Variants in SLC14A2 observed in about 807,000 individuals in gnomAD.
The protein encoded by SLC14A2 is urea transporter 2.
Under a neutral mutation model 104.6 loss-of-function variants are expected in SLC14A2, and 91 were observed. The ratio of observed to expected loss-of-function variants is 0.87; its 90% CI spans 0.73 to 1.04. The LOEUF (loss-of-function observed/expected upper bound fraction) is 1.04, where lower values mean the gene tolerates loss of function less well. Ranked by LOEUF, SLC14A2 falls within the 50% of genes least tolerant of loss-of-function variation. The pLI is 0.00. For missense variants in SLC14A2, 1,189 were observed against 1,156.0 expected, an observed-to-expected ratio of 1.03 and a Z score of -0.41; for synonymous variants, 476 against 466.4, an observed-to-expected ratio of 1.02 and a Z score of -0.27.
At chr18:45,577,907 T>A (rs2144352645) in intron 2 of SLC14A2, among the ~76,000 whole-genome samples, 1 of 152,262 alleles carries the variant, frequency 6.6e-6, no homozygotes, top group East Asian at 1.9e-4. Context: ...AAATAATAAA[T>A]TATTCTTTGG....
At position 45,445,473 on chromosome 18, in the gene SLC14A2, A is replaced by G. The variant is rs557458857; in HGVS notation, c.-124-37760A>G. Among the ~76,000 whole-genome samples the G allele has an allele frequency of 2.0e-4, 31 of 152,268 alleles. 1 individual carries two copies. The South Asian group carries it at 6.4e-3, about 32-fold the overall frequency. ...TGGAGGATCCAACTGTTTATTCTTTAGTGATAAAAACAAAGATGCCTACAT... is the reference window on the plus strand; with the variant it reads ...TGGAGGATCCAACTGTTTATTCTTTGGTGATAAAAACAAAGATGCCTACAT... On this transcript the variant is annotated intron_variant, in intron 1 of 20. Transcript: ENST00000586448.
intron 1 of SLC14A2, among the ~76,000 whole-genome samples, chr18:45,466,177 A>T (rs755784961): frequency 6.6e-6 from 1 of 152,030 alleles, no homozygotes; most frequent in African/African-American, 2.4e-5. Flanking sequence ...GTTTTGCACT[A>T]ATTTACACAG....
At chr18:45,285,409 T>C (rs889025027) in intron 1 of SLC14A2, among the ~76,000 whole-genome samples, 2 of 152,322 alleles carry the variant, frequency 1.3e-5, no homozygotes, top group Admixed American at 6.5e-5. Flanking sequence ...CACTGCACTA[T>C]ACTTGGAACA....
At chr18:45,277,294 T>C (rs182257360) in intron 1 of SLC14A2, among the ~76,000 whole-genome samples, 4 of 152,322 alleles carry the variant, frequency 2.6e-5, no homozygotes, top group Admixed American at 2.6e-4. Context: ...CATTAAAATA[T>C]AAAAAGAAAA....
At chr18:45,536,759 C>T (rs866812792) in intron 2 of SLC14A2, among the ~76,000 whole-genome samples, 4 of 152,108 alleles carry the variant, frequency 2.6e-5, no homozygotes, top group African/African-American at 9.7e-5. Flanking sequence ...CAGCAAAGAC[C>T]CAAGGAGGTA....
intron 2 of SLC14A2, among the ~76,000 whole-genome samples, chr18:45,590,769 T>G (rs541614232): frequency 4.5e-4 from 69 of 152,366 alleles, no homozygotes; most frequent in African/African-American, 1.6e-3. Flanking sequence ...TAGAAAATTA[T>G]CAGAGTAAAA....
At chr18:45,263,030 A>G (rs1363244748) in intron 1 of SLC14A2, among the ~76,000 whole-genome samples, 1 of 152,200 alleles carries the variant, frequency 6.6e-6, no homozygotes. Context: ...TTATTCACAA[A>G]TTCAAGATTT....
In SLC14A2 at chr18:45,259,162, A is replaced by T. The variant is rs187519573; in HGVS notation, c.-125+45971A>T. ...GAGGTTTGGAAAACTTCAGTGGTAC[A>T]CTCTTATCTCCTCTCTCCTGCTCAG... On this transcript the variant is annotated intron_variant, in intron 1 of 20. Coordinates refer to the SLC14A2 transcript ENST00000586448. 4.3e-4 allele frequency among the ~76,000 whole-genome samples: 65 copies of T among 152,166 alleles called. 1 individual carries two copies. Among genetic ancestry groups the T allele is most frequent in the African/African-American group, 1.3e-3 (53 of 41,498 alleles).
upstream of SLC14A2, among the ~76,000 whole-genome samples, chr18:45,611,517 C>A (rs773243506): frequency 6.6e-6 from 1 of 152,224 alleles, no homozygotes; most frequent in Admixed American, 6.5e-5. Flanking sequence ...AAGGAAGACC[C>A]AGCTTCACAC....
At chr18:45,508,060 A>C (rs549041248) in intron 2 of SLC14A2, among the ~76,000 whole-genome samples, 1 of 152,354 alleles carries the variant, frequency 6.6e-6, no homozygotes, top group African/African-American at 2.4e-5. Context: ...GAAAGACTGG[A>C]ATACTTAGAA....
intron 10 of SLC14A2, among the ~76,000 whole-genome samples, chr18:45,658,985 C>T (rs773379899): frequency 3.9e-5 from 6 of 152,318 alleles, no homozygotes; most frequent in South Asian, 4.1e-4. Context: ...TCCTCGAGGG[C>T]AGGGACCGTG....
chr18:45,456,355 C>T (rs1568215180), intron 1 of SLC14A2, among the ~76,000 whole-genome samples: 1 of 152,202 alleles, frequency 6.6e-6, no homozygotes, highest in Admixed American at 6.5e-5. Context: ...AGAGTCAGTG[C>T]CCCCAGGGGA....
chr18:45,424,052 G>A (rs2086387106), intron 1 of SLC14A2: 1 of 152,236 alleles, frequency 6.6e-6, no homozygotes, highest in African/African-American at 2.4e-5. Context: ...TCTTGGGACT[G>A]GCTTCTGGAG....
At chr18:45,594,342 G>A (rs1205599449) in intron 2 of SLC14A2, among the ~76,000 whole-genome samples, 3 of 152,212 alleles carry the variant, frequency 2.0e-5, no homozygotes, top group Non-Finnish European at 2.9e-5. Flanking sequence ...TTAGATGTGA[G>A]GTTCAAGGGA....
intron 2 of SLC14A2, among the ~76,000 whole-genome samples, chr18:45,573,732 A>G (rs1217844954): frequency 2.0e-5 from 3 of 152,234 alleles, no homozygotes; most frequent in African/African-American, 2.4e-5. Flanking sequence ...CACTTAATCA[A>G]TGGCCCTTTT....
chr18:45,541,076 C>T (rs1259746555), intron 2 of SLC14A2, among the ~76,000 whole-genome samples: 1 of 152,146 alleles, frequency 6.6e-6, no homozygotes, highest in African/African-American at 2.4e-5. Flanking sequence ...TCCCAGGGCA[C>T]CATGACAAAT....
At chr18:45,663,275 G>A (rs533756231) in intron 10 of SLC14A2, among the ~76,000 whole-genome samples, 97 of 152,334 alleles carry the variant, frequency 6.4e-4, no homozygotes, top group Non-Finnish European at 1.1e-3. Flanking sequence ...AGTAGCAAGA[G>A]CTGATGTCAG....
intron 1 of SLC14A2, among the ~76,000 whole-genome samples, chr18:45,432,379 T>A (rs11664067): frequency 0.56 from 84,869 of 151,874 alleles, 23,950 homozygotes; most frequent in Admixed American, 0.69. Flanking sequence ...CCAAAGAACG[T>A]AGCTACAAAA....
intron 1 of SLC14A2, among the ~76,000 whole-genome samples, chr18:45,215,573 C>A (rs72904659): frequency 0.011 from 1,738 of 152,294 alleles, 24 homozygotes; most frequent in Non-Finnish European, 0.017. Flanking sequence ...GATATTAGTC[C>A]CCCAAGGGAA....
Sources: gnomAD v4.1 joint callset for allele counts (sites outside exome capture counted in the v4.1 genomes callset) on GRCh38, gnomAD v4.1.1 for gene constraint, MANE v1.5 for transcripts, NCBI Gene and HGNC (gene_info 2026-07-23, HGNC 2026-07-21) for gene names.